MTUS2: variants seen among roughly 807,000 people sequenced by gnomAD.
MTUS2 encodes microtubule associated scaffold protein 2.
A neutral mutation model predicts 114.1 loss-of-function variants in MTUS2; 40 were observed. That is an observed-to-expected ratio of 0.35 (90% CI 0.27 to 0.46). The LOEUF (loss-of-function observed/expected upper bound fraction) is 0.46, where lower values mean the gene tolerates loss of function less well. Among genes scored for constraint, MTUS2 ranks in the 20% least tolerant of loss-of-function variants. The probability of loss-of-function intolerance (pLI) is 1.00; values close to 1 mark genes in which losing one functional copy is unlikely to be tolerated. For missense variants in MTUS2, 1,679 were observed against 1,705.4 expected (o/e 0.98, Z 0.27); for synonymous variants, 688 against 672.0 (o/e 1.02, Z -0.37).
At chr13:29,500,468 T>A (rs993501877) in intron 14 of MTUS2, among the ~76,000 whole-genome samples, 3 of 152,196 alleles carry the variant, frequency 2.0e-5, no homozygotes, top group Non-Finnish European at 2.9e-5. Flanking sequence ...GGGAAAGGCA[T>A]CAATTGCCGG....
intron 2 of MTUS2, among the ~76,000 whole-genome samples, chr13:28,962,445 C>T (rs1883373953): frequency 6.6e-6 from 1 of 152,128 alleles, no homozygotes; most frequent in Admixed American, 6.6e-5. Context: ...GTATTCTCTC[C>T]TGAATTGCAG....
chr13:29,170,372 C>T (rs959906621), intron 5 of MTUS2, among the ~76,000 whole-genome samples: 1 of 152,140 alleles, frequency 6.6e-6, no homozygotes, highest in Non-Finnish European at 1.5e-5. Flanking sequence ...ATTGTGTGAG[C>T]AGTAACAAAT....
intron 2 of MTUS2, among the ~76,000 whole-genome samples, chr13:28,850,883 A>AT (rs1196481268): frequency 1.3e-5 from 2 of 152,110 alleles, no homozygotes; most frequent in Non-Finnish European, 2.9e-5. Flanking sequence ...ATTTACCTTG[A>AT]TTTTTGCATT....
At chr13:29,352,386 T>C (rs1323725926) in intron 7 of MTUS2, among the ~76,000 whole-genome samples, 1 of 152,268 alleles carries the variant, frequency 6.6e-6, no homozygotes, top group African/African-American at 2.4e-5. Context: ...GCAGCTGTTT[T>C]GATGCCAGCA....
At chr13:29,278,147 A>G (rs1469868324) in intron 5 of MTUS2, among the ~76,000 whole-genome samples, 1 of 152,186 alleles carries the variant, frequency 6.6e-6, no homozygotes, top group Non-Finnish European at 1.5e-5. Context: ...TCTCTTCCCC[A>G]TGTAACATTC....
At chr13:29,383,217 A>AGT (rs1297604822) in intron 8 of MTUS2, among the ~76,000 whole-genome samples, 74 of 105,572 alleles carry the variant, frequency 7.0e-4, no homozygotes, top group African/African-American at 2.1e-3. Context: ...AGGAAAATTG[A>AGT]GTGTGTGTGT....
intron 9 of MTUS2, among the ~76,000 whole-genome samples, chr13:29,442,440 C>A (rs1263238158): frequency 6.6e-6 from 1 of 152,204 alleles, no homozygotes; most frequent in Non-Finnish European, 1.5e-5. Context: ...TTGGGCCCCA[C>A]ACAACGTCTC....
At position 29,329,037 on chromosome 13, in the gene MTUS2, C is replaced by T. The variant is rs1402086169; in HGVS notation, c.2905+4326C>T. Among the ~76,000 whole-genome samples, 4 of 152,132 alleles carry T rather than the reference C, an allele frequency of 2.6e-5. No individual in the cohort carries two copies. In the East Asian group the frequency reaches 7.7e-4, roughly 29 times the overall value. ...GGCAAGAGAAAAAGAAGGTCATAGT[C>T]CTCACATTTAAAAACTATTATTTTA... On this transcript the variant is annotated intron_variant, in intron 7 of 15. Transcript: ENST00000612955.
At chr13:28,953,361 T>C (rs566397764) in intron 2 of MTUS2, among the ~76,000 whole-genome samples, 1 of 152,022 alleles carries the variant, frequency 6.6e-6, no homozygotes, top group Non-Finnish European at 1.5e-5. Context: ...ATACAAAAAT[T>C]AGCCGGGCAT....
chr13:29,104,529 AC>A (rs1198335661), intron 5 of MTUS2, among the ~76,000 whole-genome samples: 1 of 152,224 alleles, frequency 6.6e-6, no homozygotes, highest in Non-Finnish European at 1.5e-5. Flanking sequence ...GTTCCGCTTT[AC>A]GCAGAAGCCA....
At position 29,071,027 on chromosome 13, in the gene MTUS2, C is replaced by A. The variant is rs143265185; in HGVS notation, c.2447-29746C>A. The stretch of plus-strand genomic sequence containing the variant: ...TATTTATTGATTTATTTTTTTGAGA[C>A]AGAGTCTCATTCTGTCGCCCAGGCT... On this transcript the variant is annotated intron_variant, in intron 4 of 15. Coordinates refer to ENST00000612955, the MANE Select transcript of MTUS2 (RefSeq NM_001033602.4). 2.8e-3 allele frequency among the ~76,000 whole-genome samples: 419 copies of A among 151,400 alleles called. 2 individuals carry two copies. Among genetic ancestry groups the A allele is most frequent in the African/African-American group, 9.8e-3 (404 of 41,228 alleles).
chr13:29,177,411 C>G (rs1893818605), intron 5 of MTUS2, among the ~76,000 whole-genome samples: 1 of 150,714 alleles, frequency 6.6e-6, no homozygotes, highest in East Asian at 1.9e-4. Flanking sequence ...AGAAAATTAT[C>G]ATAGGCCCTA....
chr13:29,181,065 C>G (rs568959807), intron 5 of MTUS2, among the ~76,000 whole-genome samples: 1 of 152,002 alleles, frequency 6.6e-6, no homozygotes, highest in Admixed American at 6.6e-5. Flanking sequence ...AACAATATGG[C>G]AATTCTTCCC....
chr13:29,492,768 T>G (rs1342484551), intron 12 of MTUS2, 49 bp downstream of exon 12: 5 of 1,394,194 alleles, frequency 3.6e-6, no homozygotes, highest in Admixed American at 1.7e-5. Flanking sequence ...AATGGCAGCA[T>G]CATTATTCCC....
chr13:29,023,689 T>A (rs550311474), intron 2 of MTUS2, among the ~76,000 whole-genome samples: 4 of 152,232 alleles, frequency 2.6e-5, no homozygotes, highest in Non-Finnish European at 5.9e-5. Context: ...TATCCTTTGC[T>A]AACATGTTTT....
chr13:28,936,851 G>A (rs933699010), intron 2 of MTUS2, among the ~76,000 whole-genome samples: 2 of 152,180 alleles, frequency 1.3e-5, no homozygotes, highest in African/African-American at 4.8e-5. Flanking sequence ...TGTGCAGTGG[G>A]CAGGGGAAGC....
At chr13:28,905,187 A>G (rs1367624074) in intron 2 of MTUS2, among the ~76,000 whole-genome samples, 1 of 151,618 alleles carries the variant, frequency 6.6e-6, no homozygotes. Flanking sequence ...ATATACAATC[A>G]TGTCATCTGC....
intron 9 of MTUS2, among the ~76,000 whole-genome samples, chr13:29,477,542 G>A (rs900620255): frequency 2.0e-5 from 3 of 152,114 alleles, no homozygotes; most frequent in Admixed American, 6.5e-5. Flanking sequence ...CTTGTGTGGG[G>A]ACTGTAGCCT....
chr13:29,462,707 G>A (rs1288738560), intron 9 of MTUS2, among the ~76,000 whole-genome samples: 1 of 152,144 alleles, frequency 6.6e-6, no homozygotes, highest in Non-Finnish European at 1.5e-5. Flanking sequence ...ATAGCTAGAG[G>A]ACATCATAGG....
Sources: allele counts gnomAD v4.1 joint callset (sites outside exome capture counted in the v4.1 genomes callset), GRCh38; gene constraint gnomAD v4.1.1; transcripts MANE v1.5; gene names NCBI Gene and HGNC (gene_info 2026-07-23, HGNC 2026-07-21).